The following RPS6KA5 variants were observed in gnomAD, a reference collection of about 807,000 sequenced individuals.
The protein encoded by RPS6KA5 is ribosomal protein S6 kinase A5.
In RPS6KA5, 27 loss-of-function variants were observed where a neutral mutation model predicts 85.5. The ratio of observed to expected loss-of-function variants is 0.32; its 90% confidence interval spans 0.23 to 0.44. The LOEUF is 0.44. RPS6KA5 is among the 20% of genes least tolerant of loss of function. The probability of loss-of-function intolerance (pLI) is 1.00; values close to 1 mark genes in which losing one functional copy is unlikely to be tolerated. For synonymous variants in RPS6KA5, 334 were observed against 348.2 expected, an observed-to-expected ratio of 0.96 and a Z score of 0.46; for missense variants, 811 against 980.9, an observed-to-expected ratio of 0.83 and a Z score of 2.31.
intron 12 of RPS6KA5, 123 bp downstream of exon 12, chr14:90,899,206 G>A (rs2035012479): frequency 7.7e-6 from 5 of 648,890 alleles, no homozygotes; most frequent in Non-Finnish European, 1.1e-5. Flanking sequence ...TGCCCTTTCT[G>A]GTGGCTGGGT....
At chr14:90,978,721 T>G (rs2039669168) in intron 2 of RPS6KA5, among the ~76,000 whole-genome samples, 197 bp from the exon 3 acceptor site, 1 of 152,160 alleles carries the variant, frequency 6.6e-6, no homozygotes, top group Non-Finnish European at 1.5e-5. Flanking sequence ...ACCCTTAATG[T>G]TTACATATCT....
rs10132134 is a variant in RPS6KA5 at position 90,855,765 on chromosome 14, G to A, written c.*16309C>T. ...TGGGACTACAGTCATCCGCCACCAC[G>A]CCCGGCTAATTTTTTGTATTTTTAG... On this transcript the variant is annotated 3_prime_UTR_variant, in exon 17 of 17. Transcript: ENST00000614987. 15,273 of 152,086 alleles carry A rather than the reference G, an allele frequency of 0.1. 1,829 individuals are homozygous for A. The highest frequency in any genetic ancestry group is 0.3 in the African/African-American group (12,208 of 41,330). 9.4% of individuals were successfully genotyped at this position (152,086 alleles called of 1,614,324 possible).
chr14:90,933,257 C>T (rs1455075910), intron 5 of RPS6KA5, among the ~76,000 whole-genome samples: 5 of 152,138 alleles, frequency 3.3e-5, no homozygotes, highest in African/African-American at 1.2e-4. Context: ...AAATTCCAGA[C>T]TCATATAGCT....
At chr14:90,967,144 T>C (rs2039104319) in intron 3 of RPS6KA5, among the ~76,000 whole-genome samples, 1 of 152,238 alleles carries the variant, frequency 6.6e-6, no homozygotes, top group African/African-American at 2.4e-5. Context: ...TGAAATTGAC[T>C]TACAGTCCAT....
intron 3 of RPS6KA5, among the ~76,000 whole-genome samples, chr14:90,974,127 A>G (rs1179585257): frequency 3.3e-5 from 5 of 151,780 alleles, no homozygotes; most frequent in Non-Finnish European, 7.4e-5. Context: ...TGATGAAGGG[A>G]TCAGGCTGTC....
At chr14:91,043,369 G>A (rs2042673410) in intron 1 of RPS6KA5, among the ~76,000 whole-genome samples, 1 of 152,068 alleles carries the variant, frequency 6.6e-6, no homozygotes, top group Admixed American at 6.6e-5. Flanking sequence ...ATTTTAATCT[G>A]CAACCCAGAC....
intron 3 of RPS6KA5, among the ~76,000 whole-genome samples, chr14:90,966,176 T>G (rs776929683): frequency 6.6e-6 from 1 of 152,176 alleles, no homozygotes; most frequent in African/African-American, 2.4e-5. Flanking sequence ...TGGGAGTCAA[T>G]TAGCTACAGA....
chr14:91,046,476 C>T (rs1229691601), intron 1 of RPS6KA5, among the ~76,000 whole-genome samples: 2 of 152,098 alleles, frequency 1.3e-5, no homozygotes, highest in Non-Finnish European at 2.9e-5. Context: ...GCAAATCTAC[C>T]GCTAAGACTC....
In RPS6KA5 at chr14:90,925,288, G is replaced by A. The variant is rs74083900; in HGVS notation, c.619-2092C>T. ...AAACGATGAGGCTGTCAGCTCAAAT[G>A]AGATGGGCTAGAATTACCACTCTTA... is the stretch of plus-strand genomic sequence containing the variant. On this transcript the variant is annotated intron_variant, in intron 5 of 16. Coordinates refer to ENST00000614987, the MANE Select transcript of RPS6KA5 (RefSeq NM_004755.4). Among the ~76,000 whole-genome samples the A allele has an allele frequency of 8.0e-3, 1,221 of 152,294 alleles. 10 individuals carry two copies. Among genetic ancestry groups the A allele is most frequent in the African/African-American group, 0.028 (1,147 of 41,560 alleles).
chr14:91,052,225 A>T, intron 1 of RPS6KA5: 1 of 329,836 alleles, frequency 3.0e-6, no homozygotes, highest in South Asian at 2.4e-5. Flanking sequence ...AGGCAGATGG[A>T]TCATCTGAGG....
chr14:90,941,050 A>G (rs1260382079), intron 5 of RPS6KA5, among the ~76,000 whole-genome samples: 1 of 152,208 alleles, frequency 6.6e-6, no homozygotes, highest in African/African-American at 2.4e-5. Context: ...TGGAATGAGC[A>G]AATAAAAGTG....
At chr14:91,020,200 T>C in intron 1 of RPS6KA5, among the ~76,000 whole-genome samples, 1 of 152,118 alleles carries the variant, frequency 6.6e-6, no homozygotes, top group East Asian at 1.9e-4. Flanking sequence ...GGTGTGTGTG[T>C]GTGTGTGTGC....
chr14:90,947,603 C>T, intron 3 of RPS6KA5, 53 bp from the exon 4 acceptor site: 1 of 1,064,178 alleles, frequency 9.4e-7, no homozygotes, highest in Non-Finnish European at 1.4e-6. Context: ...AAATGAAAAG[C>T]AGTGTTTCCT....
chr14:91,040,688 C>G (rs1259272796), intron 1 of RPS6KA5, among the ~76,000 whole-genome samples: 1 of 151,962 alleles, frequency 6.6e-6, no homozygotes, highest in African/African-American at 2.4e-5. Context: ...AATGGAGTAC[C>G]AATATTTAAG....
intron 1 of RPS6KA5, among the ~76,000 whole-genome samples, chr14:91,021,278 C>T (rs2041766767): frequency 6.6e-6 from 1 of 152,126 alleles, no homozygotes; most frequent in African/African-American, 2.4e-5. Context: ...AGAGACCTCC[C>T]TTATTCCTGC....
intron 7 of RPS6KA5, among the ~76,000 whole-genome samples, chr14:90,913,170 C>T (rs2035924907): frequency 1.3e-5 from 2 of 152,034 alleles, no homozygotes; most frequent in South Asian, 4.1e-4. Context: ...CTTAGCCTCC[C>T]AAAGTGCCAG....
chr14:90,875,428 A>C, intron 14 of RPS6KA5, 68 bp from the exon 15 acceptor site: 1 of 1,401,016 alleles, frequency 7.1e-7, no homozygotes, highest in Non-Finnish European at 9.8e-7. Flanking sequence ...AATAATCCTA[A>C]TAGTAACGTA....
chr14:91,010,610 T>G (rs1488553410), intron 1 of RPS6KA5, among the ~76,000 whole-genome samples: 1 of 152,148 alleles, frequency 6.6e-6, no homozygotes, highest in Non-Finnish European at 1.5e-5. Context: ...GCCTAAAATT[T>G]ACACAGGAAG....
chr14:90,982,367 T>C (rs1399509325), intron 2 of RPS6KA5, among the ~76,000 whole-genome samples: 1 of 151,860 alleles, frequency 6.6e-6, no homozygotes, highest in African/African-American at 2.4e-5. Context: ...GGGTCTGAGA[T>C]AGAAGGATCA....
Sources: gnomAD v4.1 joint callset for allele counts (sites outside exome capture counted in the v4.1 genomes callset) on GRCh38, gnomAD v4.1.1 for gene constraint, MANE v1.5 for transcripts, NCBI Gene and HGNC (gene_info 2026-07-23, HGNC 2026-07-21) for gene names.